PRMT3: variants seen among roughly 807,000 people sequenced by gnomAD.
The protein encoded by PRMT3 is protein arginine methyltransferase 3.
A neutral mutation model predicts 71.9 loss-of-function variants in PRMT3; 62 were observed. That is an observed-to-expected ratio of 0.86 (90% CI 0.70 to 1.07). PRMT3 has a LOEUF of 1.07. Ranked by LOEUF, PRMT3 falls within the 50% of genes least tolerant of loss-of-function variation. PRMT3 has a pLI of 0.00. For missense variants in PRMT3, 663 were observed against 643.0 expected (o/e 1.03, Z -0.34); for synonymous variants, 213 against 220.4 (o/e 0.97, Z 0.30).
At chr11:20,508,187 TAA>T (rs1317415593) in intron 15 of PRMT3, 115 bp from the exon 16 acceptor site, 1 of 495,638 alleles carries the variant, frequency 2.0e-6, no homozygotes, top group African/African-American at 2.1e-5. Context: ...TAACCTTAAA[TAA>T]AGTTTAAAAA....
intron 9 of PRMT3, among the ~76,000 whole-genome samples, chr11:20,409,049 A>T (rs955780250): frequency 2.6e-5 from 4 of 152,184 alleles, no homozygotes; most frequent in Non-Finnish European, 5.9e-5. Flanking sequence ...GTGAGCCGTG[A>T]TCATGCCACC....
At chr11:20,417,432 A>C (rs999327556) in intron 9 of PRMT3, among the ~76,000 whole-genome samples, 1 of 152,260 alleles carries the variant, frequency 6.6e-6, no homozygotes, top group Non-Finnish European at 1.5e-5. Context: ...TTTATCACTA[A>C]CTTTAAATGC....
In PRMT3 at chr11:20,478,491, A is replaced by G. The variant is rs185980649; in HGVS notation, c.1347+13945A>G. On this transcript the variant is annotated intron_variant, in intron 13 of 15. Transcript: ENST00000331079. ...GGCTGCAGCAAGCAATGATTGTACCACTGCACTCCAGCCTGGGTGACAGAG... is the reference window on the plus strand; with the variant it reads ...GGCTGCAGCAAGCAATGATTGTACCGCTGCACTCCAGCCTGGGTGACAGAG... Among the ~76,000 whole-genome samples, 581 of 151,662 alleles carry G rather than the reference A, an allele frequency of 3.8e-3. 5 individuals carry two copies. The highest frequency in any genetic ancestry group is 6.5e-3 in the Non-Finnish European group (440 of 67,908).
At chr11:20,463,871 G>A (rs533864430) in intron 12 of PRMT3, among the ~76,000 whole-genome samples, 79 of 135,284 alleles carry the variant, frequency 5.8e-4, no homozygotes, top group African/African-American at 1.9e-3. Flanking sequence ...GGAAAATAAA[G>A]ATATTTCGCT....
At chr11:20,421,018 A>T (rs571459407) in intron 9 of PRMT3, among the ~76,000 whole-genome samples, 249 of 152,132 alleles carry the variant, frequency 1.6e-3, no homozygotes, top group Non-Finnish European at 2.5e-3. Context: ...GTAATTAATC[A>T]GAGTTTATTA....
chr11:20,472,613 G>GAAC (rs1850673264), intron 13 of PRMT3, among the ~76,000 whole-genome samples: 1 of 146,500 alleles, frequency 6.8e-6, no homozygotes, highest in Admixed American at 7.1e-5. Flanking sequence ...GTTCATCAAG[G>GAAC]ATATTGGCCT....
At chr11:20,455,909 A>G (rs1565220193) in intron 11 of PRMT3, among the ~76,000 whole-genome samples, 2 of 152,148 alleles carry the variant, frequency 1.3e-5, no homozygotes. Flanking sequence ...TCAGATAATC[A>G]AAGATTAAAT....
Position 20,508,295 on chromosome 11 carries a change from G to GT in PRMT3, c.1487-5dup, listed in dbSNP as rs549803983. The GT allele has an allele frequency of 6.7e-3, 10,559 of 1,570,848 alleles. 59 individuals carry two copies. The highest frequency in any genetic ancestry group is 0.012 in the South Asian group (1,117 of 89,454). On this transcript the variant is annotated splice_polypyrimidine_tract_variant and intron_variant, in intron 15 of 15. Transcript: ENST00000331079. The stretch of plus-strand genomic sequence containing the variant: ...TGAATTCTTAACAATTTTTGCCTTT[G>GT]TTTTACAGGTGAAGCCTTGAAAGGA...
intron 13 of PRMT3, among the ~76,000 whole-genome samples, chr11:20,468,855 CAT>C (rs1354638277): frequency 6.6e-6 from 1 of 151,956 alleles, no homozygotes; most frequent in Non-Finnish European, 1.5e-5. Context: ...TCATGAAAAA[CAT>C]TATCTTCTGC....
At chr11:20,412,338 C>CA (rs1333323057) in intron 9 of PRMT3, among the ~76,000 whole-genome samples, 1 of 151,922 alleles carries the variant, frequency 6.6e-6, no homozygotes, top group Non-Finnish European at 1.5e-5. Context: ...ATCCATTTTG[C>CA]AAAAATATGA....
chr11:20,484,935 C>T (rs1027679808), intron 13 of PRMT3, among the ~76,000 whole-genome samples: 28 of 152,176 alleles, frequency 1.8e-4, no homozygotes, highest in South Asian at 2.1e-4. Flanking sequence ...ATGAGACTAA[C>T]AATTGGGGCT....
At chr11:20,449,056 G>A (rs1850092075) in intron 10 of PRMT3, among the ~76,000 whole-genome samples, 1 of 152,100 alleles carries the variant, frequency 6.6e-6, no homozygotes, top group South Asian at 2.1e-4. Context: ...GGAATTTAAA[G>A]GCTGTTGTAT....
intron 8 of PRMT3, among the ~76,000 whole-genome samples, chr11:20,403,325 C>G (rs771089712): frequency 1.3e-4 from 20 of 152,064 alleles, no homozygotes; most frequent in Non-Finnish European, 2.2e-4. Context: ...CAGATAAGCA[C>G]CATGTCATAG....
At chr11:20,412,309 G>A (rs1186965502) in intron 9 of PRMT3, among the ~76,000 whole-genome samples, 2 of 151,988 alleles carry the variant, frequency 1.3e-5, no homozygotes, top group Admixed American at 1.3e-4. Context: ...CAGAGCAGAG[G>A]GAAGCATTTG....
At chr11:20,494,373 G>C (rs891762403) in intron 15 of PRMT3, 119 bp downstream of exon 15, 2 of 859,602 alleles carry the variant, frequency 2.3e-6, no homozygotes, top group Non-Finnish European at 1.8e-6. Flanking sequence ...GAGTCTCGCT[G>C]TCTCACCCAG....
At chr11:20,429,197 G>T (rs767447560) in intron 10 of PRMT3, among the ~76,000 whole-genome samples, 1 of 152,188 alleles carries the variant, frequency 6.6e-6, no homozygotes, top group African/African-American at 2.4e-5. Context: ...ATGGGGATGG[G>T]ATGGTTTCAG....
At chr11:20,476,520 A>G (rs1850789950) in intron 13 of PRMT3, among the ~76,000 whole-genome samples, 4 of 152,176 alleles carry the variant, frequency 2.6e-5, no homozygotes, top group African/African-American at 7.2e-5. Flanking sequence ...GAGTTAATAA[A>G]TTTTACGGCC....
At chr11:20,443,316 A>G (rs1849950595) in intron 10 of PRMT3, among the ~76,000 whole-genome samples, 1 of 152,186 alleles carries the variant, frequency 6.6e-6, no homozygotes, top group Non-Finnish European at 1.5e-5. Flanking sequence ...GTGACAGCAG[A>G]TGAGACTGTA....
chr11:20,481,511 ATGG>A (rs1173947584), intron 13 of PRMT3, among the ~76,000 whole-genome samples: 1 of 152,148 alleles, frequency 6.6e-6, no homozygotes, highest in Non-Finnish European at 1.5e-5. Context: ...AGCCAAAGAA[ATGG>A]TGATTTGTAC....
Sources: gnomAD v4.1 joint callset for allele counts (sites outside exome capture counted in the v4.1 genomes callset) on GRCh38, gnomAD v4.1.1 for gene constraint, MANE v1.5 for transcripts, NCBI Gene and HGNC (gene_info 2026-07-23, HGNC 2026-07-21) for gene names.